Variants in ARHGEF26 observed in about 807,000 individuals in gnomAD.
ARHGEF26 encodes the protein Rho guanine nucleotide exchange factor (GEF) 26.
Under a neutral mutation model 89.4 loss-of-function variants are expected in ARHGEF26, and 59 were observed. The ratio of observed to expected loss-of-function variants is 0.66; its 90% CI spans 0.54 to 0.82. The LOEUF is 0.82. Ranked by LOEUF, ARHGEF26 falls within the 40% of genes least tolerant of loss-of-function variation. The pLI, the probability that ARHGEF26 is intolerant of heterozygous loss-of-function variation, is 0.00. For synonymous variants in ARHGEF26, 500 were observed against 428.4 expected, an observed-to-expected ratio of 1.17 and a Z score of -2.06; for missense variants, 1,234 against 1,085.6, an observed-to-expected ratio of 1.14 and a Z score of -1.92.
chr3:154,140,813 T>A (rs1263793553), intron 4 of ARHGEF26, among the ~76,000 whole-genome samples: 1 of 152,100 alleles, frequency 6.6e-6, no homozygotes, highest in Non-Finnish European at 1.5e-5. Context: ...ACTGCTAAGC[T>A]CAGGTTATCT....
chr3:154,126,428 C>G (rs537184514), intron 3 of ARHGEF26, among the ~76,000 whole-genome samples: 85 of 152,284 alleles, frequency 5.6e-4, no homozygotes, highest in African/African-American at 2.0e-3. Flanking sequence ...TCTCTGCCCC[C>G]ATATCCGGTC....
chr3:154,125,719 C>T (rs570050216), intron 3 of ARHGEF26, among the ~76,000 whole-genome samples: 1 of 151,898 alleles, frequency 6.6e-6, no homozygotes, highest in Non-Finnish European at 1.5e-5. Context: ...ACGTTATTTC[C>T]TTTTATAAGG....
At chr3:154,243,406 A>C (rs187850517) in intron 12 of ARHGEF26, among the ~76,000 whole-genome samples, 4 of 152,274 alleles carry the variant, frequency 2.6e-5, no homozygotes, top group East Asian at 3.9e-4. Flanking sequence ...TTCATAATTT[A>C]TGTAGTCTCC....
intron 8 of ARHGEF26, among the ~76,000 whole-genome samples, chr3:154,193,962 G>T (rs1385041242): frequency 6.6e-6 from 1 of 151,948 alleles, no homozygotes; most frequent in African/African-American, 2.4e-5. Flanking sequence ...AGCCTCCTGA[G>T]TAGCTGGGAC....
chr3:154,121,933 C>G lies in ARHGEF26; in HGVS notation c.-51-9C>G, dbSNP rs927978539. 6.6e-7 allele frequency: 1 copy of G among 1,517,064 alleles called. No homozygotes were observed. Among genetic ancestry groups the G allele is most frequent in the African/African-American group, 1.4e-5 (1 of 71,746 alleles). The allele number at this position is 1,517,064 out of a possible 1,614,324, so 94.0% of individuals were successfully genotyped here. ...AGAGGCACAGTTTCCTAACTTCTTT[C>G]CTCTTTAGGCAAGACTAACTCGGTG... is the stretch of plus-strand genomic sequence containing the variant. On this transcript the variant is annotated splice_polypyrimidine_tract_variant and intron_variant, in intron 1 of 14. Coordinates refer to ENST00000465093, the MANE Select transcript of ARHGEF26 (RefSeq NM_015595.4).
chr3:154,184,689 G>C (rs73872148), intron 6 of ARHGEF26, among the ~76,000 whole-genome samples: 5,027 of 152,208 alleles, frequency 0.033, 265 homozygotes, highest in African/African-American at 0.11. Flanking sequence ...TTTATTGTCA[G>C]CTTGCCCAGA....
Position 154,218,009 on chromosome 3 carries a change from TAGAG to T in ARHGEF26, c.1935+57_1935+60del, listed in dbSNP as rs1037366711. The T allele has an allele frequency of 1.3e-4, 194 of 1,480,000 alleles. No homozygotes were observed. The Admixed American group carries it at 2.1e-3, about 16-fold the overall frequency. 91.7% of individuals were successfully genotyped at this position (1,480,000 alleles called of 1,614,324 possible). ...GTTCTTGCCTATGTTTTTCTCTAAA[TAGAG>T]AGAGACAGTTGAGGGCAACAAAGTA... On this transcript the variant is annotated intron_variant, in intron 10 of 14. Coordinates refer to ENST00000465093, the MANE Select transcript of ARHGEF26 (RefSeq NM_015595.4).
In ARHGEF26 at chr3:154,180,899, C is replaced by T. The variant is rs1043201020; in HGVS notation, c.1488-6786C>T. ...TGTGTCGAATCAACACATTTCCTAT[C>T]ACTGTTAGTCTCTGGTGAAGGATTC... On this transcript the variant is annotated intron_variant, in intron 6 of 14. Transcript: ENST00000465093. 9.2e-5 allele frequency among the ~76,000 whole-genome samples: 14 copies of T among 152,198 alleles called. No homozygotes were observed. The East Asian group carries it at 2.7e-3, about 30-fold the overall frequency.
chr3:154,152,325 A>G (rs1720071591), intron 5 of ARHGEF26, among the ~76,000 whole-genome samples: 2 of 152,184 alleles, frequency 1.3e-5, no homozygotes, highest in African/African-American at 4.8e-5. Context: ...AAGGGAAGGA[A>G]GGTGTGAGAA....
At chr3:154,123,705 TG>T (rs1294117792) in intron 2 of ARHGEF26, among the ~76,000 whole-genome samples, 1 of 152,230 alleles carries the variant, frequency 6.6e-6, no homozygotes, top group African/African-American at 2.4e-5. Flanking sequence ...TCCCGTTGTA[TG>T]CCCATTCATC....
intron 5 of ARHGEF26, among the ~76,000 whole-genome samples, chr3:154,151,068 GGAGT>G (rs1719990510): frequency 6.6e-6 from 1 of 152,170 alleles, no homozygotes; most frequent in African/African-American, 2.4e-5. Flanking sequence ...TCAGAAGTAA[GGAGT>G]GAGCAGAGTG....
At chr3:154,220,838 T>A (rs972855106) in intron 10 of ARHGEF26, among the ~76,000 whole-genome samples, 1 of 152,102 alleles carries the variant, frequency 6.6e-6, no homozygotes, top group Admixed American at 6.5e-5. Flanking sequence ...TTTTAAAAAA[T>A]TTCTCTATAG....
chr3:154,221,453 A>G (rs180815138), intron 10 of ARHGEF26, among the ~76,000 whole-genome samples: 6 of 152,360 alleles, frequency 3.9e-5, no homozygotes, highest in Admixed American at 2.6e-4. Context: ...AAGTTACTAC[A>G]ACTCAGCAAT....
intron 6 of ARHGEF26, among the ~76,000 whole-genome samples, chr3:154,180,045 T>C (rs917672877): frequency 6.6e-6 from 1 of 152,120 alleles, no homozygotes; most frequent in Non-Finnish European, 1.5e-5. Context: ...GTATCGTGGC[T>C]TATGAATTTT....
Position 154,240,456 on chromosome 3 carries a change from C to T in ARHGEF26, c.2177C>T (p.Pro726Leu). The change falls in exon 12 of 15, where the codon CCA becomes CTA. Residue 726 changes from proline (P) to leucine (L), a missense_variant. Transcript: ENST00000465093. ...SCDNEELNSS[P>L]GKNSSTMLYS... ...GACAATGAAGAGCTTAATTCTTCTC[C>T]AGGGAAGAACAGCTCCACAATGCTC... The T allele has an allele frequency of 6.2e-7, 1 of 1,613,216 alleles. No homozygotes were observed.
In ARHGEF26 at chr3:154,256,565, A is replaced by G; in HGVS notation, c.*1092A>G. The G allele has an allele frequency of 1.0e-6, 1 of 999,882 alleles. No individual in the cohort carries two copies. Among genetic ancestry groups the G allele is most frequent in the Non-Finnish European group, 1.2e-6 (1 of 839,770 alleles). The allele number at this position is 999,882 out of a possible 1,614,324, so 61.9% of individuals were successfully genotyped here. On this transcript the variant is annotated 3_prime_UTR_variant, in exon 15 of 15. Coordinates refer to ENST00000465093, the MANE Select transcript of ARHGEF26 (RefSeq NM_015595.4). ...TAATTAATTAAAAAAAAAAAAAAAAAAAAAAAAAAACCTTCCCAAATGAGC... is the reference window on the plus strand; with the variant it reads ...TAATTAATTAAAAAAAAAAAAAAAAGAAAAAAAAAACCTTCCCAAATGAGC...
At chr3:154,189,030 C>G (rs1468067939) in intron 7 of ARHGEF26, among the ~76,000 whole-genome samples, 1 of 152,118 alleles carries the variant, frequency 6.6e-6, no homozygotes, top group Non-Finnish European at 1.5e-5. Context: ...CAGAAGGTCC[C>G]CTGAGGGTAA....
At chr3:154,254,909 C>A in intron 14 of ARHGEF26, 85 bp downstream of exon 14, 2 of 1,079,136 alleles carry the variant, frequency 1.9e-6, no homozygotes, top group Non-Finnish European at 2.8e-6. Flanking sequence ...GTCATCATTG[C>A]CCATATTCCA....
intron 9 of ARHGEF26, among the ~76,000 whole-genome samples, chr3:154,207,029 T>C (rs1057145454): frequency 6.6e-6 from 1 of 151,754 alleles, no homozygotes; most frequent in African/African-American, 2.4e-5. Flanking sequence ...TCCTATTAAA[T>C]AAATGGTACT....
Sources: gnomAD v4.1 joint callset for allele counts (sites outside exome capture counted in the v4.1 genomes callset) on GRCh38, gnomAD v4.1.1 for gene constraint, MANE v1.5 for transcripts, NCBI Gene and HGNC (gene_info 2026-07-23, HGNC 2026-07-21) for gene names.